PDE8A: variants seen among roughly 807,000 people sequenced by gnomAD.
PDE8A encodes phosphodiesterase 8A.
PDE8A carries 59 observed loss-of-function variants against 105.0 expected under a neutral mutation model. The observed-to-expected ratio is 0.56, with a 90% confidence interval of 0.46 to 0.70. The LOEUF (loss-of-function observed/expected upper bound fraction) is 0.70, where lower values mean the gene tolerates loss of function less well. Ranked by LOEUF, PDE8A falls within the 30% of genes least tolerant of loss-of-function variation. The pLI, the probability that PDE8A is intolerant of heterozygous loss-of-function variation, is 0.00. For synonymous variants in PDE8A, 355 were observed against 371.9 expected (o/e 0.95, Z 0.52); for missense variants, 1,014 against 1,045.9 (o/e 0.97, Z 0.42).
intron 1 of PDE8A, among the ~76,000 whole-genome samples, chr15:84,986,575 T>G (rs181162578): frequency 6.6e-6 from 1 of 152,016 alleles, no homozygotes; most frequent in Non-Finnish European, 1.5e-5. Flanking sequence ...GGAATAAAAT[T>G]TATTGCCTGC....
intron 2 of PDE8A, among the ~76,000 whole-genome samples, chr15:85,066,480 C>T (rs1567261368): frequency 6.6e-6 from 1 of 151,974 alleles, no homozygotes; most frequent in Non-Finnish European, 1.5e-5. Flanking sequence ...TACAAGAACA[C>T]TGGAACCCTG....
chr15:84,981,225 C>G (rs1205984589), upstream of PDE8A, among the ~76,000 whole-genome samples: 4 of 152,218 alleles, frequency 2.6e-5, no homozygotes, highest in South Asian at 2.1e-4. Context: ...GTAGCCCAGT[C>G]GGGCGCCCCG....
rs16974851 is a variant in PDE8A, at chr15:85,102,335, A to C, written c.1036+2137A>C. On this transcript the variant is annotated intron_variant, in intron 11 of 21. Transcript: ENST00000394553. Reference sequence around the variant, plus strand: ...GAGGGGGATATGGAGCCAGAGATGGATAAAAACTTGTGCTTTGCATTCAAG... The same window carrying C: ...GAGGGGGATATGGAGCCAGAGATGGCTAAAAACTTGTGCTTTGCATTCAAG... Among the ~76,000 whole-genome samples the C allele has an allele frequency of 4.6e-5, 7 of 152,136 alleles. No homozygotes were observed. In the East Asian group the frequency reaches 9.6e-4, roughly 21 times the overall value.
rs2082090309 is a variant in PDE8A, at chr15:85,115,989, C to G, written c.1405C>G (p.Gln469Glu). The G allele has an allele frequency of 6.2e-7, 1 of 1,612,420 alleles. No individual in the cohort carries two copies. The highest frequency in any genetic ancestry group is 8.5e-7 in the Non-Finnish European group (1 of 1,178,662). ...CAAATTACATCACTTTACAGACACT[C>G]AAATGGTTTCAAGCAATATAATCAC... Reference protein sequence around the residue: ...NEYVLSTKNTQMVSSNIITPI... With the variant: ...NEYVLSTKNTEMVSSNIITPI... The change falls in exon 16 of 22, where the codon CAA (glutamine) becomes GAA (glutamate). Residue 469 changes from glutamine to glutamate, a missense_variant. Physicochemically the swap from Gln to Glu is conservative, Grantham distance 29. Transcript: ENST00000394553.
intron 2 of PDE8A, among the ~76,000 whole-genome samples, chr15:85,066,328 C>T (rs2081224447): frequency 6.6e-6 from 1 of 151,672 alleles, no homozygotes; most frequent in Non-Finnish European, 1.5e-5. Context: ...TGGGAGGCCA[C>T]AGCAGGTGGA....
intron 12 of PDE8A, 56 bp from the exon 13 acceptor site, chr15:85,113,321 C>G (rs781624148): frequency 1.1e-4 from 165 of 1,455,440 alleles, no homozygotes; most frequent in Non-Finnish European, 8.6e-5. Flanking sequence ...CCTCTGCTGT[C>G]AAGACAGGTG....
chr15:85,057,738 T>C (rs568167907), intron 1 of PDE8A, among the ~76,000 whole-genome samples: 1 of 152,370 alleles, frequency 6.6e-6, no homozygotes, highest in African/African-American at 2.4e-5. Context: ...TGAGTGTTTT[T>C]ATCATGAAAG....
intron 1 of PDE8A, among the ~76,000 whole-genome samples, chr15:85,021,147 T>G (rs1472885300): frequency 1.3e-5 from 2 of 152,148 alleles, no homozygotes; most frequent in African/African-American, 2.4e-5. Context: ...GTCCGCCTTG[T>G]AAGAACACAT....
At position 85,075,883 on chromosome 15, in the gene PDE8A, C is replaced by T; in HGVS notation, c.456C>T (p.Leu152=). ...TAAGGTCTATCAGATCATCAAAACT[C>T]TCAGAAAACACAGTTATTGTTGGTG... ...ALCRSIRSSK[L]SENTVIVGVV... The change falls in exon 4 of 22, where the codon CTC becomes CTT. Residue 152 remains leucine, a synonymous_variant. Coordinates refer to ENST00000394553, the MANE Select transcript of PDE8A (RefSeq NM_002605.3). The T allele has an allele frequency of 6.4e-7, 1 of 1,570,650 alleles. No individual in the cohort carries two copies. The highest frequency in any genetic ancestry group is 1.1e-5 in the South Asian group (1 of 87,120).
At chr15:85,136,778 C>A (rs2082417657) in intron 21 of PDE8A, 115 bp downstream of exon 21, 2 of 1,070,812 alleles carry the variant, frequency 1.9e-6, no homozygotes, top group Non-Finnish European at 2.6e-6. Context: ...CTTTCAAGAA[C>A]AAGAGCGAAG....
intron 6 of PDE8A, among the ~76,000 whole-genome samples, chr15:85,084,397 G>C (rs2081516419): frequency 6.6e-6 from 1 of 152,216 alleles, no homozygotes; most frequent in African/African-American, 2.4e-5. Context: ...CAGAGTGTGA[G>C]TTAGCAGAGA....
chr15:85,044,095 G>C (rs1411275515), intron 1 of PDE8A, among the ~76,000 whole-genome samples: 1 of 152,142 alleles, frequency 6.6e-6, no homozygotes, highest in Non-Finnish European at 1.5e-5. Flanking sequence ...CATAGCAAAA[G>C]CTTCTTGGAA....
intron 1 of PDE8A, among the ~76,000 whole-genome samples, chr15:85,004,708 G>A (rs763680050): frequency 4.6e-5 from 7 of 152,190 alleles, no homozygotes; most frequent in Non-Finnish European, 8.8e-5. Context: ...TCTAAGTTCT[G>A]CTTCCGTTCA....
chr15:85,129,579 T>A lies in PDE8A; in HGVS notation c.2253+3205T>A, dbSNP rs549310297. Among the ~76,000 whole-genome samples the A allele has an allele frequency of 9.8e-5, 15 of 152,328 alleles. 1 individual carries two copies. In the South Asian group the frequency reaches 1.5e-3, roughly 15 times the overall value. Reference sequence around the variant, plus strand: ...AGTAATGTTCCCACTTTCATTCTGATTTTGGTAATTTGGGTCTTGTCTTTT... The same window carrying A: ...AGTAATGTTCCCACTTTCATTCTGAATTTGGTAATTTGGGTCTTGTCTTTT... On this transcript the variant is annotated intron_variant, in intron 20 of 21. Coordinates refer to ENST00000394553, the MANE Select transcript of PDE8A (RefSeq NM_002605.3).
chr15:85,061,125 G>A (rs2081137672), intron 1 of PDE8A, among the ~76,000 whole-genome samples: 1 of 152,068 alleles, frequency 6.6e-6, no homozygotes, highest in Non-Finnish European at 1.5e-5. Context: ...ACGATTAGCT[G>A]ACCTCCAAAG....
chr15:85,104,078 C>T (rs528102282), intron 11 of PDE8A, among the ~76,000 whole-genome samples: 16 of 152,324 alleles, frequency 1.1e-4, no homozygotes, highest in Middle Eastern at 3.4e-3. Context: ...GTTGTTTTCA[C>T]GTGACACTGT....
chr15:85,130,077 G>C (rs939232569), intron 20 of PDE8A, among the ~76,000 whole-genome samples: 1 of 152,174 alleles, frequency 6.6e-6, no homozygotes, highest in Non-Finnish European at 1.5e-5. Context: ...CTTCCGGTGA[G>C]GGCTCAGGAA....
At chr15:85,028,983 C>A (rs1347460429) in intron 1 of PDE8A, among the ~76,000 whole-genome samples, 10 of 152,072 alleles carry the variant, frequency 6.6e-5, no homozygotes, top group African/African-American at 2.4e-4. Flanking sequence ...ACAAAGTAAT[C>A]TGTCGAGAGA....
chr15:85,001,885 T>G (rs1179691867), intron 1 of PDE8A, among the ~76,000 whole-genome samples: 1 of 152,202 alleles, frequency 6.6e-6, no homozygotes, highest in African/African-American at 2.4e-5. Context: ...CCAGGCACTG[T>G]TCTAAGTACT....
Sources: allele counts gnomAD v4.1 joint callset (sites outside exome capture counted in the v4.1 genomes callset), GRCh38; gene constraint gnomAD v4.1.1; transcripts MANE v1.5; gene names NCBI Gene and HGNC (gene_info 2026-07-23, HGNC 2026-07-21).